KCTD16: variants seen among roughly 807,000 people sequenced by gnomAD.
KCTD16 encodes BTB/POZ domain-containing protein KCTD16.
In KCTD16, 13 loss-of-function variants were observed where a neutral mutation model predicts 33.2. The ratio of observed to expected loss-of-function variants is 0.39; its 90% CI spans 0.25 to 0.62. The LOEUF is 0.62. KCTD16 is among the 20% of genes least tolerant of loss of function. The pLI, the probability that KCTD16 is intolerant of heterozygous loss-of-function variation, is 0.50. For synonymous variants in KCTD16, 197 were observed against 195.3 expected (o/e 1.01, Z -0.07); for missense variants, 441 against 525.1 (o/e 0.84, Z 1.57).
At chr5:144,359,228 C>T (rs1294355582) in intron 3 of KCTD16, among the ~76,000 whole-genome samples, 1 of 152,162 alleles carries the variant, frequency 6.6e-6, no homozygotes, top group Non-Finnish European at 1.5e-5. Flanking sequence ...GAATGTTTCT[C>T]ACAGTTTAGG....
chr5:144,426,004 T>G (rs921050897), intron 3 of KCTD16, among the ~76,000 whole-genome samples: 1 of 152,196 alleles, frequency 6.6e-6, no homozygotes, highest in African/African-American at 2.4e-5. Context: ...ATGGCGAGAT[T>G]AAAAATTTCC....
At chr5:144,339,269 TAGAA>T in intron 3 of KCTD16, among the ~76,000 whole-genome samples, 1 of 152,362 alleles carries the variant, frequency 6.6e-6, no homozygotes, top group East Asian at 1.9e-4. Flanking sequence ...ATTCGATAGC[TAGAA>T]AGTGCCGAAG....
At chr5:144,234,917 A>G (rs183066174) in intron 3 of KCTD16, among the ~76,000 whole-genome samples, 42 of 152,218 alleles carry the variant, frequency 2.8e-4, no homozygotes, top group Admixed American at 5.2e-4. Flanking sequence ...ATCTCTCCCT[A>G]AAGAGATCTC....
intron 3 of KCTD16, among the ~76,000 whole-genome samples, chr5:144,342,831 G>A (rs889139845): frequency 2.0e-5 from 3 of 152,182 alleles, no homozygotes; most frequent in Admixed American, 6.5e-5. Context: ...CATCTATTGA[G>A]ATAATCATGT....
chr5:144,429,221 T>A (rs1468337970), intron 3 of KCTD16, among the ~76,000 whole-genome samples: 1 of 152,124 alleles, frequency 6.6e-6, no homozygotes. Context: ...ATTATGAATG[T>A]ATTTGTCAGT....
chr5:144,388,632 A>G (rs190722081), intron 3 of KCTD16, among the ~76,000 whole-genome samples: 1 of 152,344 alleles, frequency 6.6e-6, no homozygotes, highest in African/African-American at 2.4e-5. Flanking sequence ...AGCCATAAGA[A>G]GGTCTCAATT....
intron 3 of KCTD16, among the ~76,000 whole-genome samples, chr5:144,467,704 TTTTG>T (rs138781205): frequency 0.013 from 1,920 of 152,108 alleles, 36 homozygotes; most frequent in African/African-American, 0.044. Flanking sequence ...TGAGGTGATT[TTTTG>T]TTTGTTTGTT....
intron 3 of KCTD16, among the ~76,000 whole-genome samples, chr5:144,468,458 G>A (rs1754397125): frequency 6.6e-6 from 1 of 152,120 alleles, no homozygotes; most frequent in South Asian, 2.1e-4. Context: ...CCCCCACTGG[G>A]CCCCTCCAAG....
intron 3 of KCTD16, among the ~76,000 whole-genome samples, chr5:144,245,901 T>G (rs1366196750): frequency 6.6e-6 from 1 of 152,188 alleles, no homozygotes; most frequent in Non-Finnish European, 1.5e-5. Flanking sequence ...CAATTAAACC[T>G]TTTTTCTTTA....
chr5:144,459,290 T>A (rs9324960), intron 3 of KCTD16, among the ~76,000 whole-genome samples: 62,773 of 151,868 alleles, frequency 0.41, 13,217 homozygotes, highest in East Asian at 0.67. Flanking sequence ...CCTGAACACC[T>A]GTAATGGCCT....
chr5:144,252,254 A>G (rs1378113702), intron 3 of KCTD16, among the ~76,000 whole-genome samples: 1 of 152,192 alleles, frequency 6.6e-6, no homozygotes, highest in Non-Finnish European at 1.5e-5. Context: ...CCTTTGACCA[A>G]CAATAAAATC....
intron 3 of KCTD16, among the ~76,000 whole-genome samples, chr5:144,367,065 G>A (rs772914153): frequency 6.6e-6 from 1 of 152,150 alleles, no homozygotes; most frequent in Non-Finnish European, 1.5e-5. Context: ...AGAATCAGGA[G>A]CCCAATCACA....
intron 3 of KCTD16, among the ~76,000 whole-genome samples, chr5:144,273,445 T>C (rs562056330): frequency 3.3e-4 from 51 of 152,268 alleles, no homozygotes; most frequent in Non-Finnish European, 5.9e-4. Flanking sequence ...AGAATTACCA[T>C]ATGGTTCAGC....
intron 3 of KCTD16, among the ~76,000 whole-genome samples, chr5:144,211,619 A>G (rs991442997): frequency 1.3e-5 from 2 of 152,214 alleles, no homozygotes; most frequent in Non-Finnish European, 2.9e-5. Flanking sequence ...GTCATTACAT[A>G]TATGCAAATA....
At chr5:144,466,086 G>A (rs1754324922) in intron 3 of KCTD16, among the ~76,000 whole-genome samples, 1 of 152,100 alleles carries the variant, frequency 6.6e-6, no homozygotes. Context: ...TGATCCTCCT[G>A]CCTTGGCCTG....
chr5:144,403,401 T>G (rs1377056816), intron 3 of KCTD16, among the ~76,000 whole-genome samples: 1 of 151,938 alleles, frequency 6.6e-6, no homozygotes. Context: ...GAGAGAGTAA[T>G]GCCCTGTGAA....
At chr5:144,268,179 A>G (rs1755197322) in intron 3 of KCTD16, among the ~76,000 whole-genome samples, 1 of 152,144 alleles carries the variant, frequency 6.6e-6, no homozygotes, top group Non-Finnish European at 1.5e-5. Flanking sequence ...GTGTTACTGG[A>G]GCAGCTTGCA....
rs568987076 is a variant in KCTD16, at chr5:144,468,564, C to A, written c.833-5096C>A. Among the ~76,000 whole-genome samples, 5 of 152,272 alleles carry A rather than the reference C, an allele frequency of 3.3e-5. No individual in the cohort carries two copies. In the East Asian group the frequency reaches 9.6e-4, roughly 29 times the overall value. On this transcript the variant is annotated intron_variant, in intron 3 of 3. Transcript: ENST00000512467. The stretch of plus-strand genomic sequence containing the variant: ...TTTTTTCAGAAGCTCTCATAGCCTG[C>A]CTATTCCCAATCTCCACTATGCAAT...
chr5:144,484,450 A>G lies in KCTD16; in HGVS notation c.*10336A>G, dbSNP rs1754762446. 1 of 151,936 alleles carries G rather than the reference A, an allele frequency of 6.6e-6. No individual in the cohort carries two copies. Among genetic ancestry groups the G allele is most frequent in the African/African-American group, 2.4e-5 (1 of 41,418 alleles). The allele number at this position is 151,936 out of a possible 1,614,324, so 9.4% of individuals were successfully genotyped here. A position where few individuals can be genotyped will look rare whatever the true frequency, so the allele number is the denominator to read the frequency against. On this transcript the variant is annotated 3_prime_UTR_variant, in exon 4 of 4. Transcript: ENST00000512467. The stretch of plus-strand genomic sequence containing the variant: ...ATTCCTCTTCCCCATGTCTTTCAAA[A>G]CCAGAGCACTGGGTCGAACCTAACC...
Sources: gnomAD v4.1 joint callset for allele counts (sites outside exome capture counted in the v4.1 genomes callset) on GRCh38, gnomAD v4.1.1 for gene constraint, MANE v1.5 for transcripts, NCBI Gene and HGNC (gene_info 2026-07-23, HGNC 2026-07-21) for gene names.